The following TBCK variants were observed in gnomAD, a reference collection of about 807,000 sequenced individuals.
TBCK encodes the protein TBC domain-containing protein kinase-like protein.
Under a neutral mutation model 113.4 loss-of-function variants are expected in TBCK, and 99 were observed. That is an observed-to-expected ratio of 0.87 (90% CI 0.74 to 1.03). TBCK has a LOEUF of 1.03. Ranked by LOEUF, TBCK falls within the 50% of genes least tolerant of loss-of-function variation. The pLI is 0.00. For missense variants in TBCK, 1,045 were observed against 1,061.3 expected (o/e 0.98, Z 0.21); for synonymous variants, 369 against 370.8 (o/e 1.00, Z 0.05).
intron 3 of TBCK, among the ~76,000 whole-genome samples, chr4:106,274,035 T>A (rs1763770653): frequency 6.6e-6 from 1 of 152,180 alleles, no homozygotes; most frequent in South Asian, 2.1e-4. Context: ...GAATAACAAG[T>A]CAATCCTATT....
At position 106,047,670 on chromosome 4, in the gene TBCK, A is replaced by G. The variant is rs149825138; in HGVS notation, c.2572-990T>C. 1.5e-4 allele frequency among the ~76,000 whole-genome samples: 23 copies of G among 152,226 alleles called. No individual in the cohort carries two copies. In the South Asian group the frequency reaches 1.9e-3, roughly 12 times the overall value. ...CATTTATTTAAATTATCCATTTAAG[A>G]GCTTCCTTCTATTTTGTTTTCTTCT... On this transcript the variant is annotated intron_variant, in intron 25 of 25. Transcript: ENST00000394708.
intron 23 of TBCK, among the ~76,000 whole-genome samples, chr4:106,155,512 C>G (rs1405897897): frequency 3.3e-5 from 5 of 152,188 alleles, no homozygotes; most frequent in African/African-American, 1.2e-4. Flanking sequence ...AGTCCAGTAA[C>G]TCTTAGATTT....
chr4:106,171,397 G>T, intron 22 of TBCK, 127 bp from the exon 23 acceptor site: 2 of 654,398 alleles, frequency 3.1e-6, no homozygotes, highest in Non-Finnish European at 4.9e-6. Context: ...TAGAAAAAAT[G>T]TCAGTAAAAA....
chr4:106,256,991 T>C (rs1762063453), intron 5 of TBCK, among the ~76,000 whole-genome samples: 1 of 152,054 alleles, frequency 6.6e-6, no homozygotes, highest in African/African-American at 2.4e-5. Flanking sequence ...ATAAACCCTC[T>C]ACAACTACCA....
chr4:106,266,754 AGAG>A (rs1763031627), intron 3 of TBCK, among the ~76,000 whole-genome samples: 1 of 151,924 alleles, frequency 6.6e-6, no homozygotes, highest in Non-Finnish European at 1.5e-5. Flanking sequence ...TAAGGTATAA[AGAG>A]GAACAAAAAA....
intron 3 of TBCK, among the ~76,000 whole-genome samples, chr4:106,277,783 G>A (rs1172234241): frequency 6.6e-6 from 1 of 152,172 alleles, no homozygotes; most frequent in Non-Finnish European, 1.5e-5. Context: ...GTTTATAAAA[G>A]TGTATACATT....
chr4:106,243,004 T>C (rs1434828877), intron 11 of TBCK, among the ~76,000 whole-genome samples: 1 of 151,908 alleles, frequency 6.6e-6, no homozygotes, highest in Non-Finnish European at 1.5e-5. Flanking sequence ...AGAATGATGA[T>C]TTCCAATTTC....
intron 25 of TBCK, among the ~76,000 whole-genome samples, chr4:106,062,363 C>T (rs964887602): frequency 2.6e-5 from 4 of 151,718 alleles, no homozygotes; most frequent in African/African-American, 7.3e-5. Context: ...GTATCAGGAG[C>T]CCTAATAAGT....
chr4:106,134,033 A>AT (rs78092586), intron 23 of TBCK, among the ~76,000 whole-genome samples: 58,256 of 151,858 alleles, frequency 0.38, 11,303 homozygotes, highest in South Asian at 0.47. Flanking sequence ...AAACAAAAAA[A>AT]AAAACAAAAC....
intron 25 of TBCK, among the ~76,000 whole-genome samples, chr4:106,055,305 A>G (rs1735259049): frequency 6.6e-6 from 1 of 150,946 alleles, no homozygotes; most frequent in African/African-American, 2.4e-5. Context: ...TAGAAGTGTG[A>G]AAAAAAAAGA....
At chr4:106,308,640 G>A (rs1377032624) in intron 2 of TBCK, 128 bp downstream of exon 2, 4 of 823,780 alleles carry the variant, frequency 4.9e-6, no homozygotes, top group Non-Finnish European at 3.7e-6. Flanking sequence ...GGGGGAAAAG[G>A]ATGAGAGAAA....
At chr4:106,314,977 C>T (rs537655770) in intron 1 of TBCK, among the ~76,000 whole-genome samples, 4 of 152,106 alleles carry the variant, frequency 2.6e-5, no homozygotes, top group Admixed American at 2.6e-4. Flanking sequence ...AATAAAATAA[C>T]CAAATAAAAC....
chr4:106,201,365 A>G (rs1291771675), intron 20 of TBCK, among the ~76,000 whole-genome samples: 2 of 152,052 alleles, frequency 1.3e-5, no homozygotes, highest in Non-Finnish European at 2.9e-5. Flanking sequence ...ATCAAGATAC[A>G]ATAATTTTGA....
At chr4:106,247,435 A>C (rs1175672091) in intron 9 of TBCK, 148 bp from the exon 10 acceptor site, 2 of 623,254 alleles carry the variant, frequency 3.2e-6, no homozygotes, top group Non-Finnish European at 5.3e-6. Flanking sequence ...GTCTAGATGC[A>C]TACTTTTATA....
Position 106,044,329 on chromosome 4 carries a change from G to A in TBCK, c.*2241C>T, listed in dbSNP as rs759845277. On this transcript the variant is annotated 3_prime_UTR_variant, in exon 26 of 26. Coordinates refer to ENST00000394708, the MANE Select transcript of TBCK (RefSeq NM_001163435.3). ...AAGAAAATAGTAATTGCCAGGACAG[G>A]AGGATTTAATATTTCTCTGAAGAGG... 5.3e-5 allele frequency: 8 copies of A among 152,192 alleles called. No homozygotes were observed. Among genetic ancestry groups the A allele is most frequent in the Non-Finnish European group, 1.0e-4 (7 of 68,036 alleles). 9.4% of individuals were successfully genotyped at this position (152,192 alleles called of 1,614,324 possible).
chr4:106,148,242 T>C (rs530589652), intron 23 of TBCK, among the ~76,000 whole-genome samples: 17 of 152,346 alleles, frequency 1.1e-4, no homozygotes, highest in African/African-American at 3.4e-4. Context: ...TTCTATTACC[T>C]TGTGGAGTAC....
At position 106,044,277 on chromosome 4, in the gene TBCK, C is replaced by G. The variant is rs533657520; in HGVS notation, c.*2293G>C. The G allele has an allele frequency of 9.9e-5, 15 of 152,238 alleles. No homozygotes were observed. The highest frequency in any genetic ancestry group is 3.4e-4 in the African/African-American group (14 of 41,532). The allele number at this position is 152,238 out of a possible 1,614,324, so 9.4% of individuals were successfully genotyped here. A position where few individuals can be genotyped will look rare whatever the true frequency, so the allele number is the denominator to read the frequency against. On this transcript the variant is annotated 3_prime_UTR_variant, in exon 26 of 26. Coordinates refer to ENST00000394708, the MANE Select transcript of TBCK (RefSeq NM_001163435.3). ...ATCAATGGTGCATTCTGATTATGAACTCAGGTAAGTCATCAAAGACTGAAG... is the reference window on the plus strand; with the variant it reads ...ATCAATGGTGCATTCTGATTATGAAGTCAGGTAAGTCATCAAAGACTGAAG...
At chr4:106,289,503 G>A (rs1765453038) in intron 3 of TBCK, among the ~76,000 whole-genome samples, 1 of 152,098 alleles carries the variant, frequency 6.6e-6, no homozygotes, top group Non-Finnish European at 1.5e-5. Context: ...AGGCGCGGTG[G>A]CTCATGCCTG....
At chr4:106,190,802 G>A (rs572007622) in intron 22 of TBCK, among the ~76,000 whole-genome samples, 10 of 151,984 alleles carry the variant, frequency 6.6e-5, no homozygotes, top group African/African-American at 1.9e-4. Flanking sequence ...GTGCAGAGGC[G>A]CCATGTCGGC....
Sources: gnomAD v4.1 joint callset for allele counts (sites outside exome capture counted in the v4.1 genomes callset) on GRCh38, gnomAD v4.1.1 for gene constraint, MANE v1.5 for transcripts, NCBI Gene and HGNC (gene_info 2026-07-23, HGNC 2026-07-21) for gene names.